Variants in RAB27B observed in about 807,000 individuals in gnomAD.
The protein encoded by RAB27B is RAB27B, member RAS oncogene family.
A neutral mutation model predicts 24.6 loss-of-function variants in RAB27B; 15 were observed. That is an observed-to-expected ratio of 0.61 (90% CI 0.41 to 0.94). The LOEUF (loss-of-function observed/expected upper bound fraction) is 0.94. Among genes scored for constraint, RAB27B ranks in the 40% least tolerant of loss-of-function variants. RAB27B has a pLI of 0.00. For missense variants in RAB27B, 261 were observed against 266.8 expected (o/e 0.98, Z 0.15); for synonymous variants, 105 against 92.5 (o/e 1.14, Z -0.78).
chr18:54,737,081 T>C (rs1909919524), intron 2 of RAB27B, among the ~76,000 whole-genome samples: 1 of 152,132 alleles, frequency 6.6e-6, no homozygotes, highest in African/African-American at 2.4e-5. Context: ...CCAAATGACA[T>C]GCTTCTCATT....
chr18:54,847,312 A>G (rs1438267396), intron 1 of RAB27B, among the ~76,000 whole-genome samples: 1 of 152,200 alleles, frequency 6.6e-6, no homozygotes, highest in African/African-American at 2.4e-5. Flanking sequence ...TAATGATGGA[A>G]ATACCCAGTT....
rs775395795 is a variant in RAB27B at position 54,877,561 on chromosome 18, A to G, written c.-19-6A>G. The G allele has an allele frequency of 2.7e-6, 4 of 1,485,704 alleles. No individual in the cohort carries two copies. Among genetic ancestry groups the G allele is most frequent in the Non-Finnish European group, 2.7e-6 (3 of 1,124,396 alleles). The allele number at this position is 1,485,704 out of a possible 1,614,324, so 92.0% of individuals were successfully genotyped here. A position where few individuals can be genotyped will look rare whatever the true frequency, so the allele number is the denominator to read the frequency against. ...AAAACATACTTGTTTTCCCTCTCCT[A>G]TACAGACCGACCAAGACCATCACTA... On this transcript the variant is annotated splice_region_variant and splice_polypyrimidine_tract_variant and intron_variant, in intron 1 of 5. Coordinates refer to ENST00000262094, the MANE Select transcript of RAB27B (RefSeq NM_004163.4).
At chr18:54,823,488 T>G (rs2145170765), upstream of RAB27B, among the ~76,000 whole-genome samples, 1 of 152,308 alleles carries the variant, frequency 6.6e-6, no homozygotes. Context: ...AGAAGGTCAG[T>G]GACTCATGCT....
intron 1 of RAB27B, among the ~76,000 whole-genome samples, chr18:54,854,302 C>T (rs984728223): frequency 6.6e-6 from 1 of 152,188 alleles, no homozygotes; most frequent in Non-Finnish European, 1.5e-5. Context: ...CACACTTTTT[C>T]GTTCTTAAGT....
At chr18:54,840,600 G>A (rs1264869707) in intron 1 of RAB27B, among the ~76,000 whole-genome samples, 1 of 124,086 alleles carries the variant, frequency 8.1e-6, no homozygotes, top group Non-Finnish European at 1.7e-5. Context: ...CCATTACACT[G>A]GCAGATTCAG....
intron 1 of RAB27B, among the ~76,000 whole-genome samples, chr18:54,851,557 A>G (rs949415411): frequency 1.3e-5 from 2 of 152,210 alleles, no homozygotes; most frequent in Admixed American, 1.3e-4. Flanking sequence ...ACATATTTAC[A>G]CTAAAAAATT....
intron 2 of RAB27B, among the ~76,000 whole-genome samples, chr18:54,801,033 A>AG (rs1909592933): frequency 3.1e-5 from 1 of 32,510 alleles, no homozygotes; most frequent in African/African-American, 1.0e-4. Flanking sequence ...TTTTTTTTTT[A>AG]ACAGAGTCTT....
At chr18:54,850,356 A>ATATATATATATATG (rs1304515980) in intron 1 of RAB27B, among the ~76,000 whole-genome samples, 32 of 139,240 alleles carry the variant, frequency 2.3e-4, no homozygotes, top group African/African-American at 8.9e-4. Flanking sequence ...ATATATATAT[A>ATATATATATATATG]TATACATACA....
At chr18:54,841,168 GTTT>G (rs1568090958) in intron 1 of RAB27B, among the ~76,000 whole-genome samples, 46 of 20,326 alleles carry the variant, frequency 2.3e-3, no homozygotes, top group Middle Eastern at 0.036. Context: ...GCGGTGGGGG[GTTT>G]GGTGAGAGGG....
upstream of RAB27B, among the ~76,000 whole-genome samples, chr18:54,827,164 A>G (rs1272232882): frequency 6.6e-6 from 1 of 152,242 alleles, no homozygotes; most frequent in Non-Finnish European, 1.5e-5. Flanking sequence ...GAAAATCTAC[A>G]GGCTGAGCCT....
intron 5 of RAB27B, 45 bp from the exon 6 acceptor site, chr18:54,889,179 C>G: frequency 6.5e-7 from 1 of 1,546,566 alleles, no homozygotes; most frequent in Non-Finnish European, 8.8e-7. Context: ...TGTATCTGTT[C>G]TGATTTCTTC....
rs1023124623 is a variant in RAB27B at position 54,891,909 on chromosome 18, A to G, written c.*2496A>G. 1.3e-5 allele frequency: 2 copies of G among 152,132 alleles called. No individual in the cohort carries two copies. Among genetic ancestry groups the G allele is most frequent in the Admixed American group, 6.6e-5 (1 of 15,248 alleles). The allele number at this position is 152,132 out of a possible 1,614,324, so 9.4% of individuals were successfully genotyped here. A position where few individuals can be genotyped will look rare whatever the true frequency, so the allele number is the denominator to read the frequency against. ...ATTTAAAATATTGTTCTACTTATAA[A>G]TAAATGCTTGATATAAAAAATTTTC... On this transcript the variant is annotated 3_prime_UTR_variant, in exon 6 of 6. Coordinates refer to ENST00000262094, the MANE Select transcript of RAB27B (RefSeq NM_004163.4).
intron 2 of RAB27B, among the ~76,000 whole-genome samples, chr18:54,738,146 T>A (rs1484832165): frequency 6.6e-6 from 1 of 152,190 alleles, no homozygotes; most frequent in Non-Finnish European, 1.5e-5. Flanking sequence ...AACCACTGAG[T>A]CATAATCTTG....
At chr18:54,826,720 G>C (rs943064431), upstream of RAB27B, among the ~76,000 whole-genome samples, 6 of 152,146 alleles carry the variant, frequency 3.9e-5, no homozygotes, top group Admixed American at 2.6e-4. Context: ...CTGTGAGCTC[G>C]GCATTCAGGA....
intron 1 of RAB27B, among the ~76,000 whole-genome samples, chr18:54,844,171 G>A (rs1398931519): frequency 6.6e-5 from 10 of 152,144 alleles, no homozygotes; most frequent in Admixed American, 3.9e-4. Flanking sequence ...TGTGGGAAGA[G>A]ACAGTGAATT....
intron 2 of RAB27B, among the ~76,000 whole-genome samples, chr18:54,779,272 A>G (rs961470759): frequency 6.6e-6 from 1 of 152,228 alleles, no homozygotes; most frequent in African/African-American, 2.4e-5. Context: ...ATAAGAATCA[A>G]CCAGAGAGCT....
At chr18:54,884,079 T>C (rs1913031871) in intron 3 of RAB27B, among the ~76,000 whole-genome samples, 1 of 151,124 alleles carries the variant, frequency 6.6e-6, no homozygotes, top group South Asian at 2.1e-4. Context: ...AAATCCATGA[T>C]TGAATGTTAC....
intron 2 of RAB27B, among the ~76,000 whole-genome samples, chr18:54,791,261 C>T: frequency 6.6e-6 from 1 of 152,088 alleles, no homozygotes; most frequent in East Asian, 1.9e-4. Context: ...GAAGAAACCT[C>T]AACTCTGTAT....
At chr18:54,854,734 A>G (rs1002419558) in intron 1 of RAB27B, among the ~76,000 whole-genome samples, 1 of 152,212 alleles carries the variant, frequency 6.6e-6, no homozygotes, top group Non-Finnish European at 1.5e-5. Context: ...AAATAAAATT[A>G]ATGGTACCAC....
Sources: gnomAD v4.1 joint callset for allele counts (sites outside exome capture counted in the v4.1 genomes callset) on GRCh38, gnomAD v4.1.1 for gene constraint, MANE v1.5 for transcripts, NCBI Gene and HGNC (gene_info 2026-07-23, HGNC 2026-07-21) for gene names.